UBR4: variants seen among roughly 807,000 people sequenced by gnomAD.
UBR4 encodes ubiquitin protein ligase E3 component n-recognin 4.
A neutral mutation model predicts 575.6 loss-of-function variants in UBR4; 124 were observed. The observed-to-expected ratio is 0.22, with a 90% CI of 0.19 to 0.25. The LOEUF is 0.25. UBR4 is among the 10% of genes least tolerant of loss of function. The probability of loss-of-function intolerance (pLI) is 1.00; values close to 1 mark genes in which losing one functional copy is unlikely to be tolerated. For synonymous variants in UBR4, 2,455 were observed against 2,473.7 expected, an observed-to-expected ratio of 0.99 and a Z score of 0.22; for missense variants, 4,818 against 6,478.8, an observed-to-expected ratio of 0.74 and a Z score of 8.80.
At chr1:19,078,662 A>G (rs563981475) in intron 103 of UBR4, 1 of 153,194 alleles carries the variant, frequency 6.5e-6, no homozygotes, top group African/African-American at 2.4e-5. Context: ...CATCACCTAA[A>G]TCCTGGGATA....
intron 87 of UBR4, 88 bp downstream of exon 87, chr1:19,103,996 C>A: frequency 2.9e-5 from 43 of 1,481,942 alleles, no homozygotes; most frequent in Non-Finnish European, 3.9e-5. Flanking sequence ...TCCTCTGGAT[C>A]TGTGGAACTG....
At chr1:19,192,832 G>T (rs1035242555) in intron 9 of UBR4, among the ~76,000 whole-genome samples, 1 of 151,852 alleles carries the variant, frequency 6.6e-6, no homozygotes, top group African/African-American at 2.4e-5. Flanking sequence ...GTCCAGGCTG[G>T]AGTACGATGG....
In UBR4 at chr1:19,181,348, T is replaced by G. The variant is rs199897149; in HGVS notation, c.2185-2128A>C. ...TTCAAGACCAGCCTGGGAGATACAG[T>G]AACATCCCCACCTCTAAAAAAAAAC... On this transcript the variant is annotated intron_variant, in intron 17 of 105. Coordinates refer to ENST00000375254, the MANE Select transcript of UBR4 (RefSeq NM_020765.3). 1.2e-4 allele frequency among the ~76,000 whole-genome samples: 18 copies of G among 152,136 alleles called. No individual in the cohort carries two copies. The East Asian group carries it at 3.5e-3, about 29-fold the overall frequency.
chr1:19,116,314 T>A (rs1256841096), intron 73 of UBR4, among the ~76,000 whole-genome samples: 1 of 152,180 alleles, frequency 6.6e-6, no homozygotes, highest in South Asian at 2.1e-4. Flanking sequence ...TGAACCCAAA[T>A]AGTCTACCAG....
chr1:19,148,255 G>GAT, intron 50 of UBR4, 128 bp from the exon 51 acceptor site: 1 of 1,222,262 alleles, frequency 8.2e-7, no homozygotes, highest in Non-Finnish European at 1.1e-6. Context: ...GGACTGCAAA[G>GAT]AGAAAAAAAA....
At chr1:19,143,407 C>T (rs1571053260) in intron 55 of UBR4, among the ~76,000 whole-genome samples, 1 of 152,180 alleles carries the variant, frequency 6.6e-6, no homozygotes, top group African/African-American at 2.4e-5. Flanking sequence ...GTTATTCAGA[C>T]ACCTTTTAGA....
intron 102 of UBR4, among the ~76,000 whole-genome samples, chr1:19,084,203 T>C (rs1277613490): frequency 6.6e-6 from 1 of 152,216 alleles, no homozygotes; most frequent in Non-Finnish European, 1.5e-5. Flanking sequence ...GAGGCTTCAG[T>C]GGCCTGACTT....
At chr1:19,128,545 A>C (rs1253732187) in intron 61 of UBR4, among the ~76,000 whole-genome samples, 1 of 152,248 alleles carries the variant, frequency 6.6e-6, no homozygotes, top group African/African-American at 2.4e-5. Flanking sequence ...ATGTTTTGTA[A>C]AAAGTTTGTA....
chr1:19,201,868 C>A, intron 1 of UBR4, 53 bp from the exon 2 acceptor site: 1 of 1,473,486 alleles, frequency 6.8e-7, no homozygotes, highest in South Asian at 1.2e-5. Flanking sequence ...TACTATGTGC[C>A]AGATACCCCT....
chr1:19,140,915 G>A (rs1488141478), intron 57 of UBR4, 23 bp from the exon 58 acceptor site: 1 of 1,587,818 alleles, frequency 6.3e-7, no homozygotes, highest in Non-Finnish European at 8.6e-7. Context: ...TGGAGAGTGA[G>A]CACAACATCC....
At position 19,173,004 on chromosome 1, in the gene UBR4, C is replaced by A. The variant is rs374365470; in HGVS notation, c.3381G>T (p.Ala1127=). ...SLQSIYTLDA[A]ISKVQVSLDE... is the part of the protein sequence containing the mutation. ...CCAAAGAGACCTGGACCTTTGAGAT[C>A]GCGGCATCAAGGGTGTAGATGGACT... The change falls in exon 25 of 106, where the codon GCG becomes GCT. Residue 1127 remains alanine (A), a synonymous_variant. Coordinates refer to ENST00000375254, the MANE Select transcript of UBR4 (RefSeq NM_020765.3). 1.9e-6 allele frequency: 3 copies of A among 1,614,148 alleles called. No homozygotes were observed. The highest frequency in any genetic ancestry group is 2.5e-6 in the Non-Finnish European group (3 of 1,180,030).
intron 52 of UBR4, 155 bp from the exon 53 acceptor site, chr1:19,146,088 C>T: frequency 6.4e-7 from 1 of 1,553,032 alleles, no homozygotes; most frequent in South Asian, 1.2e-5. Context: ...CCAGCAGGCA[C>T]ATCTAGGAAA....
At chr1:19,127,569 A>G (rs1225251204) in intron 63 of UBR4, 54 bp downstream of exon 63, 2 of 1,422,248 alleles carry the variant, frequency 1.4e-6, no homozygotes, top group Admixed American at 3.3e-5. Flanking sequence ...CCCTAGCACT[A>G]CCCAGACAAT....
chr1:19,165,742 G>C lies in UBR4; in HGVS notation c.4125C>G (p.Ser1375=). The C allele has an allele frequency of 6.2e-7, 1 of 1,613,838 alleles. No individual in the cohort carries two copies. The highest frequency in any genetic ancestry group is 8.5e-7 in the Non-Finnish European group (1 of 1,179,896). The part of the protein sequence containing the change: ...HADPNSGLDE[S]ILEECLQYLE... ...AGTACTGGAGACATTCCTCCAGGAT[G>C]GATTCATCCAGTCCACTGAGGATCA... The change falls in exon 30 of 106, where the codon TCC becomes TCG. Residue 1375 remains serine (S), a synonymous_variant. Transcript: ENST00000375254.
chr1:19,129,111 T>TGTCCTGTTGG, intron 60 of UBR4, 37 bp from the exon 61 acceptor site: 1 of 1,575,978 alleles, frequency 6.3e-7, no homozygotes, highest in Non-Finnish European at 8.7e-7. Context: ...ATATGAGCTG[T>TGTCCTGTTGG]ACTCCAACAG....
Position 19,186,140 on chromosome 1 carries a change from A to T in UBR4, c.1750+400T>A, listed in dbSNP as rs1297880633. On this transcript the variant is annotated intron_variant, in intron 14 of 105. Transcript: ENST00000375254. ...CACTACAACAGGATTAGGTTTCTCT[A>T]CTCAAGCTTCCCTAAACTATGACTA... Among the ~76,000 whole-genome samples the T allele has an allele frequency of 3.3e-5, 5 of 152,234 alleles. No individual in the cohort carries two copies. In the East Asian group the frequency reaches 9.7e-4, roughly 29 times the overall value.
intron 102 of UBR4, chr1:19,082,377 T>C (rs1282367088): frequency 1.3e-5 from 2 of 152,542 alleles, no homozygotes; most frequent in Non-Finnish European, 2.9e-5. Context: ...TCTGCCCAAG[T>C]CTCACATCGT....
rs372533606 is a variant in UBR4 at position 19,081,351 on chromosome 1, G to A, written c.15231C>T (p.Thr5077=). 2.0e-5 allele frequency: 32 copies of A among 1,592,536 alleles called. 1 individual carries two copies. Among genetic ancestry groups the A allele is most frequent in the African/African-American group, 4.1e-5 (3 of 73,738 alleles). Residue 5077 remains threonine (T), a splice_region_variant and synonymous_variant, in exon 103 of 106, where the codon ACC becomes ACT. Transcript: ENST00000375254. The stretch of plus-strand genomic sequence containing the variant: ...AGCTTCCGGAAGCAGGTACTGACCT[G>A]GTGGCTCCACCTGGAGCCACTGCCC... ...QARAVAPGGA[T]RLTDKAVKDY... is the part of the protein sequence containing the mutation.
At chr1:19,205,409 C>T (rs1476416118) in intron 1 of UBR4, among the ~76,000 whole-genome samples, 2 of 152,166 alleles carry the variant, frequency 1.3e-5, no homozygotes. Context: ...ATTCCACAAG[C>T]TCCTTTCCCC....
Sources: gnomAD v4.1 joint callset for allele counts (sites outside exome capture counted in the v4.1 genomes callset) on GRCh38, gnomAD v4.1.1 for gene constraint, MANE v1.5 for transcripts, NCBI Gene and HGNC (gene_info 2026-07-23, HGNC 2026-07-21) for gene names.